The following AREL1 variants were observed in gnomAD, a reference collection of about 807,000 sequenced individuals.
The protein encoded by AREL1 is apoptosis-resistant E3 ubiquitin protein ligase 1.
In AREL1, 62 loss-of-function variants were observed where a neutral mutation model predicts 99.0. The observed-to-expected ratio is 0.63, with a 90% confidence interval of 0.51 to 0.77. The LOEUF (loss-of-function observed/expected upper bound fraction) is 0.77. Ranked by LOEUF, AREL1 falls within the 30% of genes least tolerant of loss-of-function variation. AREL1 has a pLI of 0.00. For synonymous variants in AREL1, 380 were observed against 376.5 expected, an observed-to-expected ratio of 1.01 and a Z score of -0.11; for missense variants, 879 against 1,027.6, an observed-to-expected ratio of 0.86 and a Z score of 1.98.
At chr14:74,667,204 C>T (rs1187099415) in intron 17 of AREL1, 115 bp downstream of exon 17, 2 of 1,221,614 alleles carry the variant, frequency 1.6e-6, no homozygotes, top group South Asian at 1.3e-5. Context: ...GTGAAACCAC[C>T]TCTTGCATAA....
rs1163865604 is a variant in AREL1, at chr14:74,662,530, A to G, written c.*1190T>C. On this transcript the variant is annotated 3_prime_UTR_variant, in exon 20 of 20. Coordinates refer to ENST00000356357, the MANE Select transcript of AREL1 (RefSeq NM_001039479.2). ...ATACAGCAGCAGGTACTCTTCAATC[A>G]TCATTCAACAGTGAACCTAATAAGC... The G allele has an allele frequency of 2.5e-6, 1 of 398,584 alleles. No homozygotes were observed. The highest frequency in any genetic ancestry group is 4.4e-6 in the Non-Finnish European group (1 of 226,052). The allele number at this position is 398,584 out of a possible 1,614,324, so 24.7% of individuals were successfully genotyped here.
intron 1 of AREL1, among the ~76,000 whole-genome samples, chr14:74,692,853 A>C (rs897479641): frequency 2.0e-5 from 3 of 152,068 alleles, no homozygotes; most frequent in Admixed American, 6.5e-5. Flanking sequence ...ACAGGCGTGC[A>C]CTACCACACC....
In AREL1 at chr14:74,670,799, T is replaced by C. The variant is rs1459017507; in HGVS notation, c.1571A>G (p.Gln524Arg). 1 of 1,614,042 alleles carries C rather than the reference T, an allele frequency of 6.2e-7. No individual in the cohort carries two copies. The highest frequency in any genetic ancestry group is 8.5e-7 in the Non-Finnish European group (1 of 1,180,004). Residue 524 changes from glutamine to arginine, a missense_variant, in exon 13 of 20, where the codon CAG (glutamine) becomes CGG (arginine). Physicochemically the swap from Gln to Arg is conservative, Grantham distance 43. Transcript: ENST00000356357. Reference protein sequence around the residue: ...ICKALFDTTNQLFTRFSDNNQ... With the variant: ...ICKALFDTTNRLFTRFSDNNQ... ...GTTGTCACTGAACCGGGTGAAGAGC[T>C]GATTGGTGGTATCAAATAGTGCTTT...
intron 2 of AREL1, among the ~76,000 whole-genome samples, chr14:74,690,840 C>A (rs900456335): frequency 7.2e-5 from 11 of 152,164 alleles, no homozygotes; most frequent in African/African-American, 2.7e-4. Context: ...TATTGAGTCA[C>A]TTATCACAGG....
chr14:74,686,455 G>A (rs1431304495), intron 2 of AREL1, among the ~76,000 whole-genome samples: 2 of 152,178 alleles, frequency 1.3e-5, no homozygotes, highest in Non-Finnish European at 2.9e-5. Context: ...GTATGCTAAC[G>A]TTCATATCTT....
chr14:74,697,987 G>C (rs2090008291), intron 1 of AREL1, among the ~76,000 whole-genome samples: 1 of 151,852 alleles, frequency 6.6e-6, no homozygotes, highest in South Asian at 2.1e-4. Flanking sequence ...ATGAGTGACT[G>C]GGGAGAAAAA....
chr14:74,675,586 G>A (rs1427839598), intron 8 of AREL1, 113 bp downstream of exon 8: 23 of 1,417,208 alleles, frequency 1.6e-5, no homozygotes, highest in Non-Finnish European at 2.1e-5. Context: ...TATACAACTA[G>A]TTAACAATCT....
chr14:74,672,768 C>T, intron 11 of AREL1, 63 bp downstream of exon 11: 4 of 1,604,596 alleles, frequency 2.5e-6, no homozygotes, highest in Non-Finnish European at 3.4e-6. Flanking sequence ...CAGTAACCTG[C>T]AGAATATAGA....
chr14:74,675,543 G>C (rs2089450585), intron 8 of AREL1, among the ~76,000 whole-genome samples, 156 bp downstream of exon 8: 1 of 152,270 alleles, frequency 6.6e-6, no homozygotes, highest in South Asian at 2.1e-4. Context: ...TTTTATGCTA[G>C]CAAGAAATTT....
Position 74,661,295 on chromosome 14 carries a change from ACAT to A in AREL1, c.*2422_*2424del, listed in dbSNP as rs1483433000. The A allele has an allele frequency of 4.4e-6, 2 of 456,348 alleles. No individual in the cohort carries two copies. Among genetic ancestry groups the A allele is most frequent in the Non-Finnish European group, 8.8e-6 (2 of 226,776 alleles). The allele number at this position is 456,348 out of a possible 1,614,324, so 28.3% of individuals were successfully genotyped here. A position where few individuals can be genotyped will look rare whatever the true frequency, so the allele number is the denominator to read the frequency against. ...TATTTATCTACTGTACAAAATATTT[ACAT>A]CATCAGCTGCAACTGCCTGGCCCTT... On this transcript the variant is annotated 3_prime_UTR_variant, in exon 20 of 20. Coordinates refer to ENST00000356357, the MANE Select transcript of AREL1 (RefSeq NM_001039479.2).
At chr14:74,687,552 G>C (rs1262124740) in intron 2 of AREL1, among the ~76,000 whole-genome samples, 2 of 152,088 alleles carry the variant, frequency 1.3e-5, no homozygotes, top group African/African-American at 4.8e-5. Flanking sequence ...GAGGATAAGG[G>C]GGCAGACTCT....
intron 5 of AREL1, 118 bp downstream of exon 5, chr14:74,683,178 A>T: frequency 1.3e-6 from 1 of 745,550 alleles, no homozygotes; most frequent in Non-Finnish European, 2.1e-6. Flanking sequence ...TAAAAGGATG[A>T]ATTTTATGGC....
At chr14:74,674,718 G>T (rs911707123) in intron 8 of AREL1, among the ~76,000 whole-genome samples, 4 of 152,172 alleles carry the variant, frequency 2.6e-5, no homozygotes, top group African/African-American at 9.7e-5. Flanking sequence ...CACTTTATGA[G>T]AACAGAATAT....
intron 1 of AREL1, among the ~76,000 whole-genome samples, chr14:74,698,566 G>A (rs1340431721): frequency 2.0e-5 from 3 of 152,204 alleles, no homozygotes; most frequent in African/African-American, 7.2e-5. Flanking sequence ...AAATAAGACA[G>A]GGTGCTTTCT....
chr14:74,663,903 T>A lies in AREL1; in HGVS notation c.2365A>T (p.Thr789Ser). ...ATCAGGCGGGCAGATACCTACCATG[T>A]GTGTGCAGTAGGCAGCGTGCTATGG... is the stretch of plus-strand genomic sequence containing the variant. ...PTHSTLPTAH[T>S]CFNQLCLPTY... is the part of the protein sequence containing the mutation. Residue 789 changes from threonine to serine, a missense_variant, in exon 19 of 20, where the codon ACA becomes TCA. Transcript: ENST00000356357. The A allele has an allele frequency of 6.2e-7, 1 of 1,614,192 alleles. No individual in the cohort carries two copies. Among genetic ancestry groups the A allele is most frequent in the Non-Finnish European group, 8.5e-7 (1 of 1,180,024 alleles).
intron 1 of AREL1, among the ~76,000 whole-genome samples, chr14:74,696,305 C>T (rs1373812557): frequency 6.6e-6 from 1 of 152,234 alleles, no homozygotes; most frequent in African/African-American, 2.4e-5. Flanking sequence ...AATTACAAAA[C>T]TTGCAATGTT....
intron 1 of AREL1, among the ~76,000 whole-genome samples, chr14:74,705,441 T>G (rs1449170781): frequency 6.6e-6 from 1 of 152,216 alleles, no homozygotes; most frequent in Non-Finnish European, 1.5e-5. Context: ...GCCAAGGTTT[T>G]AGTCCCTCAC....
At chr14:74,677,541 C>G (rs548241712) in intron 5 of AREL1, among the ~76,000 whole-genome samples, 1 of 116,644 alleles carries the variant, frequency 8.6e-6, no homozygotes, top group Non-Finnish European at 1.6e-5. Flanking sequence ...GAGTCACGCT[C>G]TGTCACCCAA....
chr14:74,674,365 C>T (rs1024978948), intron 8 of AREL1, among the ~76,000 whole-genome samples: 2 of 152,220 alleles, frequency 1.3e-5, no homozygotes, highest in East Asian at 1.9e-4. Context: ...TTTGGGAGGC[C>T]GAGGCAGGCA....
Sources: allele counts gnomAD v4.1 joint callset (sites outside exome capture counted in the v4.1 genomes callset), GRCh38; gene constraint gnomAD v4.1.1; transcripts MANE v1.5; gene names NCBI Gene and HGNC (gene_info 2026-07-23, HGNC 2026-07-21).